SLC4A4: variants seen among roughly 807,000 people sequenced by gnomAD.
SLC4A4 encodes electrogenic sodium bicarbonate cotransporter 1.
SLC4A4 carries 27 observed loss-of-function variants against 111.5 expected under a neutral mutation model. The observed-to-expected ratio is 0.24, with a 90% CI of 0.18 to 0.33. The LOEUF (loss-of-function observed/expected upper bound fraction) is 0.33. SLC4A4 is among the 10% of genes least tolerant of loss of function. The probability of loss-of-function intolerance (pLI) is 1.00; values close to 1 mark genes in which losing one functional copy is unlikely to be tolerated. For missense variants in SLC4A4, 909 were observed against 1,315.5 expected, an observed-to-expected ratio of 0.69 and a Z score of 4.78; for synonymous variants, 443 against 463.4, an observed-to-expected ratio of 0.96 and a Z score of 0.57.
At chr4:71,102,739 C>G (rs1473711540) in intron 2 of SLC4A4, among the ~76,000 whole-genome samples, 2 of 150,696 alleles carry the variant, frequency 1.3e-5, no homozygotes, top group East Asian at 4.0e-4. Flanking sequence ...TTGTCACCAC[C>G]AGGCCTGCCC....
intron 6 of SLC4A4, among the ~76,000 whole-genome samples, chr4:71,369,118 C>T (rs1005362486): frequency 2.6e-5 from 4 of 152,044 alleles, no homozygotes; most frequent in African/African-American, 9.7e-5. Flanking sequence ...GTGCGGCGCA[C>T]TCCCAGCGTG....
At chr4:71,273,992 A>G (rs1366607963) in intron 3 of SLC4A4, among the ~76,000 whole-genome samples, 2 of 152,196 alleles carry the variant, frequency 1.3e-5, no homozygotes, top group Non-Finnish European at 2.9e-5. Flanking sequence ...CTTGAACAAC[A>G]TGGGAGTTAG....
At chr4:71,101,293 A>C (rs1578479688) in intron 2 of SLC4A4, among the ~76,000 whole-genome samples, 1 of 152,116 alleles carries the variant, frequency 6.6e-6, no homozygotes, top group Admixed American at 6.6e-5. Flanking sequence ...TTCCATGCTC[A>C]TTAATAAGAA....
chr4:71,465,480 G>A (rs1355730650), intron 12 of SLC4A4, among the ~76,000 whole-genome samples: 2 of 149,292 alleles, frequency 1.3e-5, no homozygotes, highest in Non-Finnish European at 3.0e-5. Context: ...ATAGGTTGGT[G>A]CAAAAGTAAT....
intron 3 of SLC4A4, among the ~76,000 whole-genome samples, chr4:71,318,717 T>C (rs985372315): frequency 6.6e-6 from 1 of 151,968 alleles, no homozygotes; most frequent in Non-Finnish European, 1.5e-5. Flanking sequence ...TTTCTTTGAG[T>C]ATACAAGACA....
intron 3 of SLC4A4, among the ~76,000 whole-genome samples, chr4:71,297,509 AACACAC>A (rs61184918): frequency 0.041 from 5,396 of 132,096 alleles, 312 homozygotes; most frequent in African/African-American, 0.13. Flanking sequence ...CACACAGACA[AACACAC>A]ACACACACAC....
intron 4 of SLC4A4, among the ~76,000 whole-genome samples, chr4:71,344,724 T>G (rs1176159143): frequency 6.6e-6 from 1 of 152,162 alleles, no homozygotes; most frequent in African/African-American, 2.4e-5. Context: ...GCTAATGATT[T>G]CTTACATATT....
At chr4:71,497,119 G>A (rs1034055378) in intron 15 of SLC4A4, among the ~76,000 whole-genome samples, 4 of 152,052 alleles carry the variant, frequency 2.6e-5, no homozygotes, top group Admixed American at 6.6e-5. Context: ...ACAAAGGTAA[G>A]TACTTTTTGA....
At chr4:71,396,065 G>A (rs1275683943) in intron 6 of SLC4A4, among the ~76,000 whole-genome samples, 6 of 152,182 alleles carry the variant, frequency 3.9e-5, no homozygotes, top group Non-Finnish European at 8.8e-5. Flanking sequence ...TGTACCTAGT[G>A]TCTTTTGTAT....
At position 71,079,660 on chromosome 4, in the gene SLC4A4, C is replaced by T. The variant is rs191687738; in HGVS notation, c.-64-13070C>T. Among the ~76,000 whole-genome samples the T allele has an allele frequency of 2.0e-5, 3 of 151,990 alleles. No homozygotes were observed. The East Asian group carries it at 5.8e-4, about 30-fold the overall frequency. ...GCGTGGTGGCACACACCTGTAGTCC[C>T]AGCTACTCGGGAGGCTGTGGTGGGA... On this transcript the variant is annotated intron_variant, in intron 1 of 26. Coordinates refer to the SLC4A4 transcript ENST00000649996.
intron 7 of SLC4A4, among the ~76,000 whole-genome samples, chr4:71,423,752 A>G (rs903082987): frequency 6.6e-6 from 1 of 152,220 alleles, no homozygotes; most frequent in African/African-American, 2.4e-5. Flanking sequence ...AGGATTCCCT[A>G]TTTAATAAAT....
chr4:71,533,648 A>G (rs367574915), intron 17 of SLC4A4, among the ~76,000 whole-genome samples: 1 of 151,926 alleles, frequency 6.6e-6, no homozygotes, highest in Non-Finnish European at 1.5e-5. Context: ...TCATTATTTC[A>G]TATGTAAAAT....
intron 2 of SLC4A4, among the ~76,000 whole-genome samples, chr4:71,150,994 A>G (rs1307650879): frequency 3.4e-4 from 52 of 152,228 alleles, no homozygotes; most frequent in Non-Finnish European, 1.2e-4. Flanking sequence ...TTGTGAGGAC[A>G]TGAAAATATC....
chr4:71,459,069 AG>A, intron 12 of SLC4A4, among the ~76,000 whole-genome samples: 1 of 152,168 alleles, frequency 6.6e-6, no homozygotes, highest in East Asian at 1.9e-4. Context: ...TCTTCTTTAA[AG>A]AAGCTTTAAA....
intron 2 of SLC4A4, among the ~76,000 whole-genome samples, chr4:71,247,929 A>G (rs938468757): frequency 6.6e-6 from 1 of 151,996 alleles, no homozygotes; most frequent in Non-Finnish European, 1.5e-5. Flanking sequence ...AAGGACTTAC[A>G]GACCTGTTTC....
At chr4:71,240,951 C>T (rs1720161987) in intron 2 of SLC4A4, among the ~76,000 whole-genome samples, 1 of 151,458 alleles carries the variant, frequency 6.6e-6, no homozygotes, top group South Asian at 2.1e-4. Context: ...AACCCCATGT[C>T]TACAGAGAAA....
intron 1 of SLC4A4, among the ~76,000 whole-genome samples, chr4:71,217,641 G>C (rs1051047847): frequency 6.6e-6 from 1 of 152,196 alleles, no homozygotes; most frequent in Non-Finnish European, 1.5e-5. Flanking sequence ...ATCTGTAGAT[G>C]CTTATTATAT....
chr4:71,106,992 A>T (rs1211359775), intron 2 of SLC4A4, among the ~76,000 whole-genome samples: 1 of 137,940 alleles, frequency 7.2e-6, no homozygotes, highest in African/African-American at 3.2e-5. Flanking sequence ...CAGAGAAATT[A>T]AAAAAAAAAT....
chr4:71,403,248 A>G (rs1720533399), intron 7 of SLC4A4, among the ~76,000 whole-genome samples: 1 of 152,174 alleles, frequency 6.6e-6, no homozygotes, highest in South Asian at 2.1e-4. Context: ...CTGCGCTACA[A>G]TAAATTTGAA....
Sources: gnomAD v4.1 joint callset for allele counts (sites outside exome capture counted in the v4.1 genomes callset) on GRCh38, gnomAD v4.1.1 for gene constraint, MANE v1.5 for transcripts, NCBI Gene and HGNC (gene_info 2026-07-23, HGNC 2026-07-21) for gene names.